NUDT4: variants seen among roughly 807,000 people sequenced by gnomAD.
NUDT4 encodes the protein nudix hydrolase 4.
A neutral mutation model predicts 23.1 loss-of-function variants in NUDT4; 5 were observed. The observed-to-expected ratio is 0.22, with a 90% CI of 0.11 to 0.46. NUDT4 has a LOEUF of 0.46. Among genes scored for constraint, NUDT4 ranks in the 20% least tolerant of loss-of-function variants. NUDT4 has a pLI of 0.99. For missense variants in NUDT4, 96 were observed against 211.6 expected (o/e 0.45, Z 3.39); for synonymous variants, 50 against 79.0 (o/e 0.63, Z 1.95).
chr12:93,381,603 A>G (rs773689003), intron 1 of NUDT4, among the ~76,000 whole-genome samples: 3 of 152,184 alleles, frequency 2.0e-5, no homozygotes, highest in Admixed American at 1.3e-4. Flanking sequence ...TTCAGATCCA[A>G]TGTGAGTCAT....
At chr12:93,398,237 G>A (rs1486502144) in intron 3 of NUDT4, among the ~76,000 whole-genome samples, 1 of 151,336 alleles carries the variant, frequency 6.6e-6, no homozygotes, top group Non-Finnish European at 1.5e-5. Flanking sequence ...CTACTCGGGA[G>A]GCTGAGGCAG....
At position 93,406,217 on chromosome 12, in the gene NUDT4, AAGATCATGCCAC is replaced by A. The variant is rs1380887187; in HGVS notation, c.*6841_*6852del. On this transcript the variant is annotated 3_prime_UTR_variant, in exon 5 of 5. Transcript: ENST00000415493. The stretch of plus-strand genomic sequence containing the variant: ...CGGGAGGCAGAACCTGCAGTGAGCC[AAGATCATGCCAC>A]AGCACTCCAGCCTAAACTACAGAGC... 2.8e-5 allele frequency: 4 copies of A among 145,030 alleles called. No homozygotes were observed. Among genetic ancestry groups the A allele is most frequent in the African/African-American group, 5.1e-5 (2 of 39,574 alleles). 9.0% of individuals were successfully genotyped at this position (145,030 alleles called of 1,614,324 possible).
rs28475334 is a variant in NUDT4, at chr12:93,378,020, C to T, written c.-303C>T. 4.0e-6 allele frequency: 1 copy of T among 250,686 alleles called. No homozygotes were observed. The highest frequency in any genetic ancestry group is 7.8e-6 in the Non-Finnish European group (1 of 127,788). The allele number at this position is 250,686 out of a possible 1,614,324, so 15.5% of individuals were successfully genotyped here. The stretch of plus-strand genomic sequence containing the variant: ...CCGCCCTTCCCCTGGCGGCTACGGC[C>T]GGAGGGAGCGGAGGCGAGCGGGAGT... On this transcript the variant is annotated 5_prime_UTR_variant, in exon 1 of 5. Transcript: ENST00000415493.
chr12:93,394,764 C>G (rs528292681), intron 2 of NUDT4, 45 bp downstream of exon 2: 3 of 1,254,850 alleles, frequency 2.4e-6, no homozygotes, highest in South Asian at 1.3e-5. Context: ...GTTTTAAAAA[C>G]AAGGCCCTTT....
rs1047521188 is a variant in NUDT4, at chr12:93,404,167, A to G, written c.*4788A>G. 9 of 152,270 alleles carry G rather than the reference A, an allele frequency of 5.9e-5. No individual in the cohort carries two copies. The highest frequency in any genetic ancestry group is 2.1e-4 in the South Asian group (1 of 4,832). The allele number at this position is 152,270 out of a possible 1,614,324, so 9.4% of individuals were successfully genotyped here. On this transcript the variant is annotated 3_prime_UTR_variant, in exon 5 of 5. Coordinates refer to ENST00000415493, the MANE Select transcript of NUDT4 (RefSeq NM_019094.6). ...TTCATTTGGCCATCATTATTTATCA[A>G]CCTTAAGAAACATGCCTATTGACGA... is the stretch of plus-strand genomic sequence containing the variant.
At chr12:93,391,791 A>G (rs1207709906) in intron 1 of NUDT4, among the ~76,000 whole-genome samples, 1 of 152,164 alleles carries the variant, frequency 6.6e-6, no homozygotes, top group Non-Finnish European at 1.5e-5. Flanking sequence ...GATAAACCCT[A>G]TGTGTTTTCG....
rs1268518858 is a variant in NUDT4, at chr12:93,406,432, AAAC to A, written c.*7057_*7059del. The A allele has an allele frequency of 6.6e-6, 1 of 152,132 alleles. No individual in the cohort carries two copies. The highest frequency in any genetic ancestry group is 1.9e-4 in the East Asian group (1 of 5,204). The allele number at this position is 152,132 out of a possible 1,614,324, so 9.4% of individuals were successfully genotyped here. A position where few individuals can be genotyped will look rare whatever the true frequency, so the allele number is the denominator to read the frequency against. ...CAGATTTCCTTCCCCATTCTCCATC[AAAC>A]AACCATAGCACCTGTGACTTTTATC... On this transcript the variant is annotated 3_prime_UTR_variant, in exon 5 of 5. Transcript: ENST00000415493.
At chr12:93,393,560 GAGTA>G (rs1208025202) in intron 1 of NUDT4, among the ~76,000 whole-genome samples, 1 of 152,124 alleles carries the variant, frequency 6.6e-6, no homozygotes, top group East Asian at 1.9e-4. Flanking sequence ...ATGTAAAAAT[GAGTA>G]AGTGACTCGA....
chr12:93,391,370 G>A (rs1262117043), intron 1 of NUDT4, among the ~76,000 whole-genome samples: 1 of 151,938 alleles, frequency 6.6e-6, no homozygotes, highest in Non-Finnish European at 1.5e-5. Flanking sequence ...TTTGAGATCA[G>A]TCTGGCCAAC....
chr12:93,394,013 TTTTG>T (rs1283731675), intron 1 of NUDT4, among the ~76,000 whole-genome samples: 42 of 152,296 alleles, frequency 2.8e-4, no homozygotes, highest in Admixed American at 2.7e-3. Flanking sequence ...AGTTTCTGTT[TTTTG>T]TTTTTTTGAG....
chr12:93,407,103 C>T lies in NUDT4; in HGVS notation c.*7724C>T, dbSNP rs968859510. On this transcript the variant is annotated 3_prime_UTR_variant, in exon 5 of 5. Coordinates refer to ENST00000415493, the MANE Select transcript of NUDT4 (RefSeq NM_019094.6). ...ACTCAAGTGATCCTCCTGCCTTGGC[C>T]TCCTAAAGTGCTGGGATTACAGGCA... 1.3e-5 allele frequency: 2 copies of T among 152,342 alleles called. No individual in the cohort carries two copies. The highest frequency in any genetic ancestry group is 2.9e-5 in the Non-Finnish European group (2 of 68,144). 9.4% of individuals were successfully genotyped at this position (152,342 alleles called of 1,614,324 possible).
At position 93,400,680 on chromosome 12, in the gene NUDT4, ACTCACCGCAAC is replaced by A. The variant is rs1877329542; in HGVS notation, c.*1305_*1315del. ...GCTGGAGTGCAATGGCACAATCTCA[ACTCACCGCAAC>A]CTCCGCCTCCCGGGTTCAAGCGATT... On this transcript the variant is annotated 3_prime_UTR_variant, in exon 5 of 5. Transcript: ENST00000415493. 1.3e-5 allele frequency: 2 copies of A among 152,024 alleles called. No homozygotes were observed. Among genetic ancestry groups the A allele is most frequent in the African/African-American group, 4.8e-5 (2 of 41,404 alleles). The allele number at this position is 152,024 out of a possible 1,614,324, so 9.4% of individuals were successfully genotyped here.
At position 93,395,474 on chromosome 12, in the gene NUDT4, A is replaced by C; in HGVS notation, c.211-15A>C. 3 of 1,582,928 alleles carry C rather than the reference A, an allele frequency of 1.9e-6. No homozygotes were observed. Among genetic ancestry groups the C allele is most frequent in the Non-Finnish European group, 2.6e-6 (3 of 1,152,130 alleles). On this transcript the variant is annotated splice_polypyrimidine_tract_variant and intron_variant, in intron 2 of 4. Coordinates refer to ENST00000415493, the MANE Select transcript of NUDT4 (RefSeq NM_019094.6). ...TAAAAAGGTAAACATTTTATATTTCATCTTTTTTTAATAGGCTGGAGTCAA... is the reference window on the plus strand; with the variant it reads ...TAAAAAGGTAAACATTTTATATTTCCTCTTTTTTTAATAGGCTGGAGTCAA...
chr12:93,401,556 A>G lies in NUDT4; in HGVS notation c.*2177A>G, dbSNP rs1419583025. 2 of 152,224 alleles carry G rather than the reference A, an allele frequency of 1.3e-5. No individual in the cohort carries two copies. Among genetic ancestry groups the G allele is most frequent in the East Asian group, 3.9e-4 (2 of 5,174 alleles). The allele number at this position is 152,224 out of a possible 1,614,324, so 9.4% of individuals were successfully genotyped here. A position where few individuals can be genotyped will look rare whatever the true frequency, so the allele number is the denominator to read the frequency against. On this transcript the variant is annotated 3_prime_UTR_variant, in exon 5 of 5. Transcript: ENST00000415493. ...GGACTATGTATTTGACATGTAAAAT[A>G]TGTACAGTATTAACGTCAACCATCT...
chr12:93,387,113 G>A (rs1057003950), intron 1 of NUDT4, among the ~76,000 whole-genome samples: 1 of 151,870 alleles, frequency 6.6e-6, no homozygotes, highest in Admixed American at 6.6e-5. Context: ...TATGTTTTTG[G>A]TAGAGATGAG....
intron 1 of NUDT4, among the ~76,000 whole-genome samples, chr12:93,390,970 G>C (rs1876454916): frequency 6.6e-6 from 1 of 152,118 alleles, no homozygotes; most frequent in East Asian, 1.9e-4. Context: ...GGGGGCTTGA[G>C]AGAAGGGTGG....
chr12:93,385,030 A>G (rs796318878), intron 1 of NUDT4: 15 of 152,312 alleles, frequency 9.8e-5, no homozygotes, highest in African/African-American at 3.4e-4. Flanking sequence ...CGGCCTCCCA[A>G]AGTGCTGGGA....
intron 1 of NUDT4, among the ~76,000 whole-genome samples, chr12:93,380,039 TGAG>T (rs1211245994): frequency 2.6e-5 from 4 of 152,148 alleles, no homozygotes; most frequent in Non-Finnish European, 5.9e-5. Context: ...ATTTTATAGG[TGAG>T]GAGACAGTTG....
intron 1 of NUDT4, among the ~76,000 whole-genome samples, chr12:93,390,845 C>A (rs763668381): frequency 6.6e-5 from 10 of 152,094 alleles, no homozygotes; most frequent in Non-Finnish European, 1.2e-4. Context: ...GCCTTGGCCT[C>A]CCAAAGTGCT....
Sources: gnomAD v4.1 joint callset for allele counts (sites outside exome capture counted in the v4.1 genomes callset) on GRCh38, gnomAD v4.1.1 for gene constraint, MANE v1.5 for transcripts, NCBI Gene and HGNC (gene_info 2026-07-23, HGNC 2026-07-21) for gene names.